Variants in C15orf40 observed in about 807,000 individuals in gnomAD.
C15orf40 encodes the protein chromosome 15 open reading frame 40, also known as UPF0235 protein C15orf40.
C15orf40 carries 9 observed loss-of-function variants against 13.9 expected under a neutral mutation model. The observed-to-expected ratio is 0.65, with a 90% CI of 0.39 to 1.13. C15orf40 has a LOEUF of 1.13. Ranked by LOEUF, C15orf40 falls within the 50% of genes most tolerant of loss-of-function variation. C15orf40 has a pLI of 0.01. For missense variants in C15orf40, 225 were observed against 188.5 expected (o/e 1.19, Z -1.13); for synonymous variants, 95 against 69.2 (o/e 1.37, Z -1.85).
At chr15:82,992,182 G>A (rs2030890776), downstream of C15orf40, 1 of 353,452 alleles carries the variant, frequency 2.8e-6, no homozygotes, top group African/African-American at 2.2e-5. Flanking sequence ...TCATGGCACT[G>A]TACTCCAGTT....
chr15:83,008,465 G>T, intron 3 of C15orf40, 83 bp downstream of exon 3: 1 of 1,450,850 alleles, frequency 6.9e-7, no homozygotes, highest in Non-Finnish European at 9.5e-7. Context: ...GTTGCAGTGA[G>T]CCAAGACTAC....
At position 83,000,078 on chromosome 15, in the gene C15orf40, T is replaced by C. The variant is rs4842976; in HGVS notation, c.*5519A>G. ...AATGGGAGCTATAGATGGTCATAGCTCCCTTACCCTGGCCCCTAATTTCCC... is the reference window on the plus strand; with the variant it reads ...AATGGGAGCTATAGATGGTCATAGCCCCCTTACCCTGGCCCCTAATTTCCC... On this transcript the variant is annotated 3_prime_UTR_variant, in exon 4 of 4. Transcript: ENST00000304177. 3,002 of 152,204 alleles carry C rather than the reference T, an allele frequency of 0.02. 44 individuals are homozygous for C. The highest frequency in any genetic ancestry group is 0.03 in the Non-Finnish European group (2,063 of 68,016). The allele number at this position is 152,204 out of a possible 1,614,324, so 9.4% of individuals were successfully genotyped here.
At position 83,001,647 on chromosome 15, in the gene C15orf40, C is replaced by T. The variant is rs948134917; in HGVS notation, c.*3950G>A. The T allele has an allele frequency of 1.3e-5, 2 of 152,174 alleles. No individual in the cohort carries two copies. The highest frequency in any genetic ancestry group is 2.9e-5 in the Non-Finnish European group (2 of 68,040). The allele number at this position is 152,174 out of a possible 1,614,324, so 9.4% of individuals were successfully genotyped here. Reference sequence around the variant, plus strand: ...TGTCTTGGGCACTAGGTCACTGGGTCTACTTCAGTATTTACAGGGGAATAC... The same window carrying T: ...TGTCTTGGGCACTAGGTCACTGGGTTTACTTCAGTATTTACAGGGGAATAC... On this transcript the variant is annotated 3_prime_UTR_variant, in exon 4 of 4. Transcript: ENST00000304177.
Position 82,995,680 on chromosome 15 carries a change from G to T in C15orf40, c.*9917C>A. ...CATGACTGTAATCCCAGCTACTCCG[G>T]AGGCTGAGGCAGGAGAATCGCTTGA... On this transcript the variant is annotated 3_prime_UTR_variant, in exon 4 of 4. Transcript: ENST00000304177. 1 of 152,748 alleles carries T rather than the reference G, an allele frequency of 6.5e-6. No homozygotes were observed. 9.5% of individuals were successfully genotyped at this position (152,748 alleles called of 1,614,324 possible).
downstream of C15orf40, chr15:82,989,026 A>G: frequency 1.9e-6 from 3 of 1,607,724 alleles, no homozygotes; most frequent in Non-Finnish European, 2.5e-6. Context: ...AGAATGACTG[A>G]CACTGCCGAA....
intron 1 of C15orf40, chr15:83,010,618 A>G (rs560172681): frequency 1.5e-5 from 6 of 399,080 alleles, no homozygotes; most frequent in Admixed American, 4.1e-5. Context: ...TCTAAACCTT[A>G]ATGCTTGCTC....
At chr15:83,009,097 A>G in intron 2 of C15orf40, among the ~76,000 whole-genome samples, 1 of 152,278 alleles carries the variant, frequency 6.6e-6, no homozygotes, top group East Asian at 1.9e-4. Context: ...GGTTTCCTCA[A>G]CAGGAAAATG....
Position 83,011,497 on chromosome 15 carries a change from C to G in C15orf40, c.111G>C (p.Lys37Asn). The change falls in exon 1 of 4, where the codon AAG becomes AAC. Residue 37 changes from lysine to asparagine, a missense_variant and splice_region_variant. By Grantham distance (94) the Lys-to-Asn change is moderately conservative. Transcript: ENST00000304177. ...EMPKKAGATT[K>N]GKSQSKEPER... is the part of the protein sequence containing the mutation. ...TGCCGCCACGGGACCTGCTACTGGC[C>G]TTGGTCGTCGCACCAGCCTTCTTAG... The G allele has an allele frequency of 6.2e-7, 1 of 1,604,320 alleles. No homozygotes were observed. The highest frequency in any genetic ancestry group is 8.5e-7 in the Non-Finnish European group (1 of 1,177,138).
In C15orf40 at chr15:82,998,396, G is replaced by C. The variant is rs1313028362; in HGVS notation, c.*7201C>G. ...AGATGGGGCAGCTGCCGGGCGGAGG[G>C]GCTCCTCACTTCTCAGACGGGGTGG... On this transcript the variant is annotated 3_prime_UTR_variant, in exon 4 of 4. Transcript: ENST00000304177. 1 of 108,214 alleles carries C rather than the reference G, an allele frequency of 9.2e-6. No individual in the cohort carries two copies. The highest frequency in any genetic ancestry group is 3.9e-5 in the African/African-American group (1 of 25,898). 6.7% of individuals were successfully genotyped at this position (108,214 alleles called of 1,614,324 possible). A position where few individuals can be genotyped will look rare whatever the true frequency, so the allele number is the denominator to read the frequency against.
At chr15:82,993,679 G>T (rs1015855647), downstream of C15orf40, among the ~76,000 whole-genome samples, 3 of 152,058 alleles carry the variant, frequency 2.0e-5, no homozygotes, top group African/African-American at 7.2e-5. Context: ...CAAGCATGGT[G>T]GTGCAGTCCC....
At chr15:82,992,776 G>A (rs2030915370), downstream of C15orf40, among the ~76,000 whole-genome samples, 1 of 151,950 alleles carries the variant, frequency 6.6e-6, no homozygotes, top group Admixed American at 6.5e-5. Flanking sequence ...AGTATCAGCC[G>A]TGCTTGAAAA....
In C15orf40 at chr15:83,005,065, G is replaced by A. The variant is rs540298841; in HGVS notation, c.*532C>T. 73 of 1,193,448 alleles carry A rather than the reference G, an allele frequency of 6.1e-5. No individual in the cohort carries two copies. The African/African-American group carries it at 1.1e-3, about 17-fold the overall frequency. 73.9% of individuals were successfully genotyped at this position (1,193,448 alleles called of 1,614,324 possible). A position where few individuals can be genotyped will look rare whatever the true frequency, so the allele number is the denominator to read the frequency against. On this transcript the variant is annotated 3_prime_UTR_variant, in exon 4 of 4. Coordinates refer to ENST00000304177, the MANE Select transcript of C15orf40 (RefSeq NM_144597.3). ...CTTCCCAGCTCTGTTATTTTACAACGCCATGAAATCAGAGTAACATGTTCC... is the reference window on the plus strand; with the variant it reads ...CTTCCCAGCTCTGTTATTTTACAACACCATGAAATCAGAGTAACATGTTCC...
chr15:83,005,668 C>T lies in C15orf40; in HGVS notation c.391G>A (p.Val131Met), dbSNP rs775169296. 6.2e-7 allele frequency: 1 copy of T among 1,611,764 alleles called. No homozygotes were observed. Among genetic ancestry groups the T allele is most frequent in the South Asian group, 1.1e-5 (1 of 90,940 alleles). Residue 131 changes from valine (V) to methionine (M), a missense_variant, in exon 4 of 4, where the codon GTG (valine) becomes ATG (methionine). By Grantham distance (21) the Val-to-Met change is conservative. Transcript: ENST00000304177. ...GGAGTTGTAGAAGCCAAAAGCTTCACCACCTTTTCACGAGATTTACCACCC... is the reference window on the plus strand; with the variant it reads ...GGAGTTGTAGAAGCCAAAAGCTTCATCACCTTTTCACGAGATTTACCACCC... ...DKGGKSREKV[V>M]KLLASTTPEE...
Position 82,995,217 on chromosome 15 carries a change from G to A in C15orf40, c.*10380C>T, listed in dbSNP as rs999643570. The A allele has an allele frequency of 6.6e-6, 1 of 152,324 alleles. No individual in the cohort carries two copies. Among genetic ancestry groups the A allele is most frequent in the African/African-American group, 2.4e-5 (1 of 41,434 alleles). 9.4% of individuals were successfully genotyped at this position (152,324 alleles called of 1,614,324 possible). A position where few individuals can be genotyped will look rare whatever the true frequency, so the allele number is the denominator to read the frequency against. ...CTTGACTTGTGCACATTCTGGGAGA[G>A]AGAGTGGCCCTGGGCCAGGCTGGCT... is the stretch of plus-strand genomic sequence containing the variant. On this transcript the variant is annotated 3_prime_UTR_variant, in exon 4 of 4. Coordinates refer to ENST00000304177, the MANE Select transcript of C15orf40 (RefSeq NM_144597.3).
At chr15:83,010,139 C>A in intron 2 of C15orf40, 98 bp downstream of exon 2, 3 of 1,469,260 alleles carry the variant, frequency 2.0e-6, no homozygotes, top group South Asian at 1.4e-5. Flanking sequence ...TGTGAAAAAT[C>A]AACTGTCATA....
intron 3 of C15orf40, among the ~76,000 whole-genome samples, chr15:83,007,690 A>G (rs1035715277): frequency 6.6e-6 from 1 of 152,078 alleles, no homozygotes; most frequent in Non-Finnish European, 1.5e-5. Flanking sequence ...CAGGAGTTCA[A>G]GACCAGCCTG....
downstream of C15orf40, chr15:82,989,799 A>C (rs1181488626): frequency 1.3e-6 from 2 of 1,504,996 alleles, no homozygotes; most frequent in Non-Finnish European, 1.8e-6. Context: ...TAGAATGAGA[A>C]ACCAGAAGCA....
chr15:83,008,788 A>T (rs998121600), intron 2 of C15orf40, 113 bp from the exon 3 acceptor site: 2 of 1,202,148 alleles, frequency 1.7e-6, no homozygotes, highest in African/African-American at 3.1e-5. Context: ...TTTCAATTAA[A>T]AACTGTTGAA....
downstream of C15orf40, chr15:82,988,972 AAATT>A (rs1320441122): frequency 1.3e-6 from 2 of 1,533,302 alleles, no homozygotes; most frequent in Non-Finnish European, 1.8e-6. Context: ...GTTAATTTTT[AAATT>A]TTTTTTAATG....
Sources: gnomAD v4.1 joint callset for allele counts (sites outside exome capture counted in the v4.1 genomes callset) on GRCh38, gnomAD v4.1.1 for gene constraint, MANE v1.5 for transcripts, NCBI Gene and HGNC (gene_info 2026-07-23, HGNC 2026-07-21) for gene names.